Variants in DCP1B observed in about 807,000 individuals in gnomAD.
DCP1B encodes the protein decapping mRNA 1B.
In DCP1B, 47 loss-of-function variants were observed where a neutral mutation model predicts 60.5. The ratio of observed to expected loss-of-function variants is 0.78; its 90% CI spans 0.61 to 0.99. The LOEUF (loss-of-function observed/expected upper bound fraction) is 0.99, where lower values mean the gene tolerates loss of function less well. Among genes scored for constraint, DCP1B ranks in the 50% least tolerant of loss-of-function variants. The probability of loss-of-function intolerance (pLI) is 0.00; values close to 1 mark genes in which losing one functional copy is unlikely to be tolerated. For synonymous variants in DCP1B, 267 were observed against 280.3 expected, an observed-to-expected ratio of 0.95 and a Z score of 0.47; for missense variants, 725 against 756.8, an observed-to-expected ratio of 0.96 and a Z score of 0.49.
chr12:1,972,496 A>G (rs185363011), intron 3 of DCP1B, among the ~76,000 whole-genome samples: 18 of 152,306 alleles, frequency 1.2e-4, no homozygotes, highest in Admixed American at 5.9e-4. Context: ...AAAAAAACAG[A>G]AAAATAGAAC....
chr12:1,998,051 G>C, intron 1 of DCP1B, 76 bp from the exon 2 acceptor site: 2 of 1,341,854 alleles, frequency 1.5e-6, no homozygotes. Context: ...AATTCTCATA[G>C]AATAGGAATT....
chr12:1,954,041 A>G lies in DCP1B; in HGVS notation c.652-753T>C, dbSNP rs2030788285. Among the ~76,000 whole-genome samples the G allele has an allele frequency of 2.0e-5, 3 of 152,214 alleles. No homozygotes were observed. The South Asian group carries it at 6.2e-4, about 32-fold the overall frequency. ...CTACAAAAAATACAGAAATTGCCAG[A>G]TGTGGCAGCACACGCCTGTAGTCCC... On this transcript the variant is annotated intron_variant, in intron 6 of 8. Coordinates refer to ENST00000280665, the MANE Select transcript of DCP1B (RefSeq NM_152640.5).
intron 3 of DCP1B, among the ~76,000 whole-genome samples, chr12:1,988,121 T>C (rs1393363380): frequency 6.6e-6 from 1 of 152,196 alleles, no homozygotes; most frequent in Non-Finnish European, 1.5e-5. Context: ...TCAGTCACAA[T>C]AGGCCAAGTT....
intron 3 of DCP1B, chr12:1,970,709 C>T (rs2031976989): frequency 5.6e-6 from 1 of 178,418 alleles, no homozygotes; most frequent in Non-Finnish European, 1.2e-5. Context: ...GATGAGCTGA[C>T]AGGCTGACAG....
At chr12:1,989,686 C>G (rs1182024637) in intron 3 of DCP1B, among the ~76,000 whole-genome samples, 1 of 152,228 alleles carries the variant, frequency 6.6e-6, no homozygotes, top group Non-Finnish European at 1.5e-5. Flanking sequence ...GCACTCCAGC[C>G]TGGACAAATA....
In DCP1B at chr12:2,000,303, C is replaced by A. The variant is rs569871625; in HGVS notation, c.151-2328G>T. 7.2e-5 allele frequency among the ~76,000 whole-genome samples: 11 copies of A among 152,286 alleles called. No individual in the cohort carries two copies. In the East Asian group the frequency reaches 2.1e-3, roughly 29 times the overall value. Reference sequence around the variant, plus strand: ...GAACCTCTATGTAGTCAGGATCACTCCCCACAAGATCAAAACACTCTCCTG... The same window carrying A: ...GAACCTCTATGTAGTCAGGATCACTACCCACAAGATCAAAACACTCTCCTG... On this transcript the variant is annotated intron_variant, in intron 1 of 8. Coordinates refer to ENST00000280665, the MANE Select transcript of DCP1B (RefSeq NM_152640.5).
At chr12:1,970,001 G>T (rs2031814544) in intron 3 of DCP1B, among the ~76,000 whole-genome samples, 1 of 152,114 alleles carries the variant, frequency 6.6e-6, no homozygotes, top group Non-Finnish European at 1.5e-5. Flanking sequence ...AGGAAAAAAT[G>T]GCCGTTGTTG....
chr12:1,953,291 G>A lies in DCP1B; in HGVS notation c.652-3C>T. 4 of 1,556,256 alleles carry A rather than the reference G, an allele frequency of 2.6e-6. No homozygotes were observed. The highest frequency in any genetic ancestry group is 3.5e-6 in the Non-Finnish European group (4 of 1,159,046). On this transcript the variant is annotated splice_polypyrimidine_tract_variant and splice_region_variant and intron_variant, in intron 6 of 8. Coordinates refer to ENST00000280665, the MANE Select transcript of DCP1B (RefSeq NM_152640.5). ...TGTTGGGGTTCAGGGTCTAAGGTCT[G>A]GAAAAAATAAAGATATCTGACATGA...
chr12:2,003,098 T>C (rs933028079), intron 1 of DCP1B, among the ~76,000 whole-genome samples: 1 of 152,212 alleles, frequency 6.6e-6, no homozygotes, highest in Non-Finnish European at 1.5e-5. Context: ...TCCGGCAAAT[T>C]TCCTCCGTTA....
At chr12:1,942,472 A>G (rs758059976), downstream of DCP1B, among the ~76,000 whole-genome samples, 2 of 152,236 alleles carry the variant, frequency 1.3e-5, no homozygotes, top group African/African-American at 2.4e-5. Flanking sequence ...CTTCTCTCCA[A>G]ATCAACAGAA....
At chr12:1,959,320 T>C (rs1020144365) in intron 5 of DCP1B, among the ~76,000 whole-genome samples, 3 of 152,190 alleles carry the variant, frequency 2.0e-5, no homozygotes, top group Admixed American at 6.5e-5. Flanking sequence ...GGAAGATACC[T>C]GCACAACATA....
At position 2,003,324 on chromosome 12, in the gene DCP1B, C is replaced by A. The variant is rs367896828; in HGVS notation, c.150+958G>T. On this transcript the variant is annotated intron_variant, in intron 1 of 8. Coordinates refer to ENST00000280665, the MANE Select transcript of DCP1B (RefSeq NM_152640.5). ...GTTTATACAACCGACTTGAAGAACA[C>A]AAAAAGTTTATCTGAAATCCATTCA... is the stretch of plus-strand genomic sequence containing the variant. Among the ~76,000 whole-genome samples the A allele has an allele frequency of 2.1e-4, 32 of 152,300 alleles. 1 individual carries two copies. In the East Asian group the frequency reaches 3.1e-3, roughly 15 times the overall value.
intron 5 of DCP1B, among the ~76,000 whole-genome samples, chr12:1,961,006 A>T (rs954000159): frequency 2.6e-5 from 4 of 152,202 alleles, no homozygotes; most frequent in African/African-American, 9.7e-5. Context: ...TAAGAAGGCG[A>T]TGGAATGCTC....
chr12:2,001,699 T>G (rs1165161224), intron 1 of DCP1B, among the ~76,000 whole-genome samples: 1 of 152,230 alleles, frequency 6.6e-6, no homozygotes, highest in Non-Finnish European at 1.5e-5. Context: ...GGTTTTAGTT[T>G]GGCATTTTTC....
chr12:1,970,380 G>A (rs909070169), intron 3 of DCP1B, among the ~76,000 whole-genome samples: 5 of 152,092 alleles, frequency 3.3e-5, no homozygotes, highest in African/African-American at 4.8e-5. Flanking sequence ...TCCCAGTTTA[G>A]TCTGGACAGA....
At chr12:1,953,883 T>C (rs2030783339) in intron 6 of DCP1B, among the ~76,000 whole-genome samples, 1 of 152,234 alleles carries the variant, frequency 6.6e-6, no homozygotes, top group Non-Finnish European at 1.5e-5. Flanking sequence ...TCTGCATTGT[T>C]GCACTGAGAA....
intron 2 of DCP1B, among the ~76,000 whole-genome samples, chr12:1,994,975 T>C (rs2040443768): frequency 7.0e-6 from 1 of 143,204 alleles, no homozygotes. Flanking sequence ...CCTTCAACAT[T>C]CTAGGATCTG....
intron 5 of DCP1B, among the ~76,000 whole-genome samples, chr12:1,957,180 TG>T (rs2030915052): frequency 6.6e-6 from 1 of 152,324 alleles, no homozygotes; most frequent in African/African-American, 2.4e-5. Flanking sequence ...TTTAAAATCC[TG>T]GGGGGAAAAA....
intron 6 of DCP1B, 58 bp from the exon 7 acceptor site, chr12:1,953,346 G>C: frequency 1.3e-6 from 2 of 1,491,894 alleles, no homozygotes; most frequent in South Asian, 1.4e-5. Flanking sequence ...ATATGAGGAA[G>C]TGCTATGAAA....
Sources: allele counts gnomAD v4.1 joint callset (sites outside exome capture counted in the v4.1 genomes callset), GRCh38; gene constraint gnomAD v4.1.1; transcripts MANE v1.5; gene names NCBI Gene and HGNC (gene_info 2026-07-23, HGNC 2026-07-21).